SCN1A: variants seen among roughly 807,000 people sequenced by gnomAD.
The protein encoded by SCN1A is sodium channel protein type 1 subunit alpha.
In SCN1A, 13 loss-of-function variants were observed where a neutral mutation model predicts 193.7. The observed-to-expected ratio is 0.07, with a 90% CI of 0.04 to 0.11. The LOEUF is 0.11. SCN1A is among the 10% of genes least tolerant of loss of function. The pLI, the probability that SCN1A is intolerant of heterozygous loss-of-function variation, is 1.00. For missense variants in SCN1A, 1,432 were observed against 2,451.1 expected (o/e 0.58, Z 8.78); for synonymous variants, 781 against 843.6 (o/e 0.93, Z 1.29).
intron 2 of SCN1A, among the ~76,000 whole-genome samples, chr2:166,115,307 C>T (rs115330888): frequency 0.013 from 2,024 of 152,054 alleles, 28 homozygotes; most frequent in Non-Finnish European, 0.018. Flanking sequence ...TGCAGTGAGC[C>T]GAGATTGCTT....
intron 1 of SCN1A, among the ~76,000 whole-genome samples, chr2:166,147,123 C>G (rs1017482751): frequency 1.3e-5 from 2 of 152,060 alleles, no homozygotes; most frequent in Non-Finnish European, 2.9e-5. Context: ...TCATGAGGCC[C>G]GAAAACATGC....
intron 24 of SCN1A, among the ~76,000 whole-genome samples, chr2:166,001,192 T>G (rs1291481018): frequency 1.6e-4 from 24 of 151,750 alleles, no homozygotes; most frequent in Admixed American, 1.6e-3. Context: ...CTCACTATGT[T>G]GCCTCCACTG....
At position 166,058,556 on chromosome 2, in the gene SCN1A, T is replaced by C. The variant is rs1462066343; in HGVS notation, c.383+14A>G. The C allele has an allele frequency of 7.2e-7, 1 of 1,393,310 alleles. No individual in the cohort carries two copies. The highest frequency in any genetic ancestry group is 1.2e-5 in the South Asian group (1 of 86,490). 86.3% of individuals were successfully genotyped at this position (1,393,310 alleles called of 1,614,324 possible). On this transcript the variant is annotated intron_variant, in intron 5 of 28. Coordinates refer to ENST00000674923, the MANE Select transcript of SCN1A (RefSeq NM_001165963.4). ...TGTACAAATAGTTAATATTAATCAC[T>C]TGAAAAAGGATATGAATGTACCAAA...
At chr2:166,026,905 G>A (rs887245947) in intron 19 of SCN1A, among the ~76,000 whole-genome samples, 15 of 151,754 alleles carry the variant, frequency 9.9e-5, no homozygotes, top group South Asian at 6.2e-4. Context: ...GGGTGGTCTC[G>A]ATCTCCTGAC....
rs1289116136 is a variant in SCN1A, at chr2:166,046,618, TA to T, written c.1377+151del. 98 of 705,428 alleles carry T rather than the reference TA, an allele frequency of 1.4e-4. No homozygotes were observed. The East Asian group carries it at 2.6e-3, about 19-fold the overall frequency. The allele number at this position is 705,428 out of a possible 1,614,324, so 43.7% of individuals were successfully genotyped here. A position where few individuals can be genotyped will look rare whatever the true frequency, so the allele number is the denominator to read the frequency against. ...TTATACACATCTCAAATAAAATAAT[TA>T]AACTAAATAAAAGTAAGTGGATCAT... On this transcript the variant is annotated intron_variant, in intron 12 of 28. Coordinates refer to ENST00000674923, the MANE Select transcript of SCN1A (RefSeq NM_001165963.4).
intron 2 of SCN1A, among the ~76,000 whole-genome samples, chr2:166,085,456 A>G (rs1174267234): frequency 6.6e-6 from 1 of 152,168 alleles, no homozygotes; most frequent in Non-Finnish European, 1.5e-5. Context: ...TCTCTTTAGC[A>G]TAAACTCAAT....
chr2:166,146,170 T>G (rs1692313720), intron 1 of SCN1A, among the ~76,000 whole-genome samples: 1 of 152,114 alleles, frequency 6.6e-6, no homozygotes, highest in Non-Finnish European at 1.5e-5. Flanking sequence ...TAAGACTAAG[T>G]CCCTGATAAG....
intron 12 of SCN1A, among the ~76,000 whole-genome samples, chr2:166,046,452 A>T (rs189770173): frequency 2.1e-3 from 324 of 152,308 alleles, no homozygotes; most frequent in African/African-American, 7.6e-3. Flanking sequence ...TGTTCTAAGA[A>T]AAGATGATTT....
chr2:166,104,723 C>T (rs1278431428), intron 2 of SCN1A, among the ~76,000 whole-genome samples: 2 of 152,106 alleles, frequency 1.3e-5, no homozygotes, highest in African/African-American at 4.8e-5. Context: ...ACCTGCGTGA[C>T]AGAGCCAGAT....
chr2:166,048,396 A>C (rs1407160729), intron 10 of SCN1A, among the ~76,000 whole-genome samples: 3 of 151,864 alleles, frequency 2.0e-5, no homozygotes, highest in Admixed American at 6.6e-5. Flanking sequence ...GTTGTTCCCT[A>C]TATGTGTCCA....
rs183402985 is a variant in SCN1A, at chr2:166,057,887, A to G, written c.383+683T>C. On this transcript the variant is annotated intron_variant, in intron 5 of 28. Transcript: ENST00000674923. ...AGTCGTGGAGTCCTTTTTAACACCAATGGGAATCATGAAACCAAATCCCTT... is the reference window on the plus strand; with the variant it reads ...AGTCGTGGAGTCCTTTTTAACACCAGTGGGAATCATGAAACCAAATCCCTT... Among the ~76,000 whole-genome samples the G allele has an allele frequency of 5.3e-4, 80 of 152,190 alleles. No homozygotes were observed. The East Asian group carries it at 0.013, about 25-fold the overall frequency.
upstream of SCN1A, among the ~76,000 whole-genome samples, chr2:166,131,994 T>A (rs1691678642): frequency 1.3e-5 from 2 of 152,308 alleles, no homozygotes; most frequent in South Asian, 4.1e-4. Flanking sequence ...GTCATTTGTT[T>A]GGGAATCTAT....
intron 13 of SCN1A, 84 bp from the exon 14 acceptor site, chr2:166,044,133 G>A: frequency 1.4e-6 from 2 of 1,448,208 alleles, no homozygotes; most frequent in Non-Finnish European, 1.9e-6. Context: ...TTATGTAGAA[G>A]GAGATTTCAG....
At position 166,013,811 on chromosome 2, in the gene SCN1A, C is replaced by T. The variant is rs566081370; in HGVS notation, c.3638G>A (p.Arg1213Gln). ...QWWNLRRTCF[R>Q]IVEHNWFETF... ...CTCAAACCAGTTATGTTCAACTATT[C>T]GGAAACACGTCCTTCTCAGGTTCCA... The change falls in exon 21 of 29, where the codon CGA becomes CAA. Residue 1213 changes from arginine to glutamine, a missense_variant. Arg to Gln is a conservative substitution (Grantham distance 43, BLOSUM62 1). Around this residue, in one of 18 missense-constraint regions of SCN1A, gnomAD observed 107 missense variants for 259.4 expected, o/e 0.41. Transcript: ENST00000674923. 2.4e-5 allele frequency: 39 copies of T among 1,612,248 alleles called. No homozygotes were observed. Among genetic ancestry groups the T allele is most frequent in the South Asian group, 9.9e-5 (9 of 91,050 alleles).
intron 1 of SCN1A, among the ~76,000 whole-genome samples, chr2:166,144,604 A>G (rs1170080199): frequency 2.0e-5 from 3 of 152,200 alleles, no homozygotes; most frequent in Non-Finnish European, 4.4e-5. Flanking sequence ...AAAACAAAGC[A>G]CTGGTAATCT....
At chr2:166,001,350 A>G (rs1285528442) in intron 24 of SCN1A, among the ~76,000 whole-genome samples, 1 of 151,766 alleles carries the variant, frequency 6.6e-6, no homozygotes, top group African/African-American at 2.4e-5. Context: ...GAGTAGATCA[A>G]AAATGTTAAG....
At position 166,044,155 on chromosome 2, in the gene SCN1A, G is replaced by T. The variant is rs541161739; in HGVS notation, c.1663-106C>A. 11 of 1,238,976 alleles carry T rather than the reference G, an allele frequency of 8.9e-6. No homozygotes were observed. The African/African-American group carries it at 1.5e-4, about 17-fold the overall frequency. The allele number at this position is 1,238,976 out of a possible 1,614,324, so 76.7% of individuals were successfully genotyped here. On this transcript the variant is annotated intron_variant, in intron 13 of 28. Transcript: ENST00000674923. ...GAAGGAGATTTCAGCATTCATAACAGAATATGGTTCATTCCTTTTGATTAT... is the reference window on the plus strand; with the variant it reads ...GAAGGAGATTTCAGCATTCATAACATAATATGGTTCATTCCTTTTGATTAT...
chr2:166,070,411 T>A (rs1684291359), intron 4 of SCN1A, among the ~76,000 whole-genome samples: 1 of 152,222 alleles, frequency 6.6e-6, no homozygotes, highest in African/African-American at 2.4e-5. Context: ...CAGGTTGTTC[T>A]ACTTGCACAC....
At chr2:165,997,287 C>T (rs1422526765) in intron 26 of SCN1A, among the ~76,000 whole-genome samples, 2 of 150,908 alleles carry the variant, frequency 1.3e-5, no homozygotes, top group Non-Finnish European at 3.0e-5. Flanking sequence ...GAAGACTTAA[C>T]AAAATGAGAA....
Sources: allele counts gnomAD v4.1 joint callset (sites outside exome capture counted in the v4.1 genomes callset), GRCh38; gene constraint gnomAD v4.1.1; regional missense constraint gnomAD v4.1.1; transcripts MANE v1.5; gene names NCBI Gene and HGNC (gene_info 2026-07-23, HGNC 2026-07-21).